WWOX: variants seen among roughly 807,000 people sequenced by gnomAD.
WWOX encodes the protein WW domain-containing oxidoreductase.
Under a neutral mutation model 46.2 loss-of-function variants are expected in WWOX, and 69 were observed. That is an observed-to-expected ratio of 1.49 (90% confidence interval 1.23 to 1.82). The LOEUF is 1.82. Among genes scored for constraint, WWOX ranks in the 40% most tolerant of loss-of-function variants. The pLI is 0.00. For synonymous variants in WWOX, 359 were observed against 202.6 expected, an observed-to-expected ratio of 1.77 and a Z score of -6.56; for missense variants, 919 against 542.6, an observed-to-expected ratio of 1.69 and a Z score of -6.89.
At chr16:78,443,934 C>G (rs1180716588) in intron 8 of WWOX, among the ~76,000 whole-genome samples, 1 of 152,048 alleles carries the variant, frequency 6.6e-6, no homozygotes, top group Non-Finnish European at 1.5e-5. Context: ...AAACCGAGGC[C>G]AAGAGTTTGT....
chr16:78,437,959 CTATATT>C (rs1341199029), intron 8 of WWOX, among the ~76,000 whole-genome samples: 2 of 152,084 alleles, frequency 1.3e-5, no homozygotes, highest in Non-Finnish European at 2.9e-5. Flanking sequence ...ATTTTAGTAT[CTATATT>C]TATATATACA....
chr16:78,603,360 A>AC (rs1260318873), intron 8 of WWOX, among the ~76,000 whole-genome samples: 6 of 152,034 alleles, frequency 3.9e-5, no homozygotes, highest in South Asian at 2.1e-4. Flanking sequence ...TCAGGGATGA[A>AC]CGCCCCCACT....
intron 8 of WWOX, among the ~76,000 whole-genome samples, chr16:78,556,579 G>A (rs1170530318): frequency 4.6e-5 from 7 of 152,250 alleles, no homozygotes; most frequent in Non-Finnish European, 8.8e-5. Context: ...CTGGACCGGC[G>A]TGCGGTGAGT....
chr16:78,282,251 C>T (rs1177520401), intron 5 of WWOX, among the ~76,000 whole-genome samples: 2 of 152,168 alleles, frequency 1.3e-5, no homozygotes, highest in African/African-American at 4.8e-5. Flanking sequence ...TCTGGACACA[C>T]AAATCTATAG....
At chr16:78,585,988 G>A (rs1689235666) in intron 8 of WWOX, among the ~76,000 whole-genome samples, 1 of 152,050 alleles carries the variant, frequency 6.6e-6, no homozygotes, top group Non-Finnish European at 1.5e-5. Flanking sequence ...CTTGAGCCCA[G>A]GAGGTTAGAG....
At chr16:78,531,068 C>G (rs978722998) in intron 8 of WWOX, among the ~76,000 whole-genome samples, 1 of 152,120 alleles carries the variant, frequency 6.6e-6, no homozygotes, top group Non-Finnish European at 1.5e-5. Context: ...ATGCTGATTA[C>G]TTTTTGATTT....
chr16:78,676,666 G>C (rs918370065), intron 8 of WWOX, among the ~76,000 whole-genome samples: 2 of 152,138 alleles, frequency 1.3e-5, no homozygotes, highest in Non-Finnish European at 2.9e-5. Flanking sequence ...TTAAACAGCT[G>C]AGTGAAGAAA....
At position 78,913,451 on chromosome 16, in the gene WWOX, T is replaced by G. The variant is rs921084110; in HGVS notation, c.1057-298157T>G. Among the ~76,000 whole-genome samples, 6 of 151,878 alleles carry G rather than the reference T, an allele frequency of 4.0e-5. No homozygotes were observed. The East Asian group carries it at 1.2e-3, about 29-fold the overall frequency. On this transcript the variant is annotated intron_variant, in intron 8 of 8. Transcript: ENST00000566780. The stretch of plus-strand genomic sequence containing the variant: ...GTCTTGCAAAACCCTCACGGCTCTT[T>G]CCCCTGCAGTCTTGATGTGAACAAG...
chr16:79,016,948 C>T (rs1170900813), intron 8 of WWOX: 1 of 152,252 alleles, frequency 6.6e-6, no homozygotes, highest in Non-Finnish European at 1.5e-5. Context: ...GATCCGACCA[C>T]CTCGACCTCG....
At chr16:78,769,529 CATTATTTATTTA>C (rs1440295681) in intron 8 of WWOX, among the ~76,000 whole-genome samples, 5 of 128,224 alleles carry the variant, frequency 3.9e-5, no homozygotes, top group African/African-American at 5.8e-5. Flanking sequence ...CCACCCCCCA[CATTATTTATTTA>C]TTTATTTATT....
At chr16:78,418,083 G>A (rs898982612) in intron 6 of WWOX, among the ~76,000 whole-genome samples, 1 of 152,122 alleles carries the variant, frequency 6.6e-6, no homozygotes, top group Admixed American at 6.6e-5. Context: ...AATACTGGCC[G>A]GGAACGGTGG....
At chr16:78,722,822 C>T (rs922990660) in intron 8 of WWOX, among the ~76,000 whole-genome samples, 1 of 150,314 alleles carries the variant, frequency 6.7e-6, no homozygotes, top group South Asian at 2.1e-4. Context: ...AGGAGGATTG[C>T]TTGAGCCCAG....
At position 78,915,880 on chromosome 16, in the gene WWOX, A is replaced by G. The variant is rs116333683; in HGVS notation, c.1057-295728A>G. Among the ~76,000 whole-genome samples, 238 of 152,354 alleles carry G rather than the reference A, an allele frequency of 1.6e-3. 1 individual carries two copies. Among genetic ancestry groups the G allele is most frequent in the African/African-American group, 5.2e-3 (218 of 41,590 alleles). ...TAACAGGAAGAACGCTCAAAGAAGAAAAATAGAAGAAGCCTGAATTTTAAT... is the reference window on the plus strand; with the variant it reads ...TAACAGGAAGAACGCTCAAAGAAGAGAAATAGAAGAAGCCTGAATTTTAAT... On this transcript the variant is annotated intron_variant, in intron 8 of 8. Transcript: ENST00000566780.
rs147688065 is a variant in WWOX, at chr16:78,386,812, C to G, written c.517-48C>G. 7,580 of 1,530,294 alleles carry G rather than the reference C, an allele frequency of 5.0e-3. 43 individuals are homozygous for G. The highest frequency in any genetic ancestry group is 5.9e-3 in the Non-Finnish European group (6,479 of 1,103,850). 94.8% of individuals were successfully genotyped at this position (1,530,294 alleles called of 1,614,324 possible). On this transcript the variant is annotated intron_variant, in intron 5 of 8. Coordinates refer to ENST00000566780, the MANE Select transcript of WWOX (RefSeq NM_016373.4). ...ATTTACTGTAACTTGATACCATGAACTACACTTGCTGTTATTTATCATTTC... is the reference window on the plus strand; with the variant it reads ...ATTTACTGTAACTTGATACCATGAAGTACACTTGCTGTTATTTATCATTTC...
chr16:78,908,668 G>C (rs1208478310), intron 8 of WWOX, among the ~76,000 whole-genome samples: 1 of 152,156 alleles, frequency 6.6e-6, no homozygotes, highest in African/African-American at 2.4e-5. Context: ...AGTGAGAAGA[G>C]GGTCAGGGAA....
chr16:78,156,830 A>G (rs767152656), intron 4 of WWOX, among the ~76,000 whole-genome samples: 1 of 152,168 alleles, frequency 6.6e-6, no homozygotes. Flanking sequence ...AGACTGAGAC[A>G]CGAGAATCGC....
At position 78,912,277 on chromosome 16, in the gene WWOX, G is replaced by C. The variant is rs545223579; in HGVS notation, c.1057-299331G>C. 7.2e-4 allele frequency among the ~76,000 whole-genome samples: 110 copies of C among 152,154 alleles called. 1 individual carries two copies. Among genetic ancestry groups the C allele is most frequent in the Middle Eastern group, 3.4e-3 (1 of 294 alleles). ...AGGTAATCAGGATATATTCATTGAA[G>C]TCTCACTGTGTGCCAGGCACTATGC... On this transcript the variant is annotated intron_variant, in intron 8 of 8. Coordinates refer to ENST00000566780, the MANE Select transcript of WWOX (RefSeq NM_016373.4).
intron 5 of WWOX, chr16:78,278,663 A>T (rs1415658413): frequency 6.2e-7 from 1 of 1,608,446 alleles, no homozygotes; most frequent in Admixed American, 1.7e-5. Context: ...CTAGCAAAAG[A>T]AGGAAAAAAT....
intron 8 of WWOX, among the ~76,000 whole-genome samples, chr16:78,556,165 C>T (rs2044291225): frequency 6.6e-6 from 1 of 151,870 alleles, no homozygotes; most frequent in African/African-American, 2.4e-5. Context: ...CAATTAGGCC[C>T]TCCTTATAAT....
Sources: allele counts gnomAD v4.1 joint callset (sites outside exome capture counted in the v4.1 genomes callset), GRCh38; gene constraint gnomAD v4.1.1; transcripts MANE v1.5; gene names NCBI Gene and HGNC (gene_info 2026-07-23, HGNC 2026-07-21).